The following NR1H4 variants were observed in gnomAD, a reference collection of about 807,000 sequenced individuals.
The protein encoded by NR1H4 is nuclear receptor subfamily 1 group H member 4.
NR1H4 carries 23 observed loss-of-function variants against 58.5 expected under a neutral mutation model. That is an observed-to-expected ratio of 0.39 (90% CI 0.28 to 0.56). The LOEUF is 0.56. Ranked by LOEUF, NR1H4 falls within the 20% of genes least tolerant of loss-of-function variation. NR1H4 has a pLI of 0.58. For missense variants in NR1H4, 487 were observed against 576.9 expected, an observed-to-expected ratio of 0.84 and a Z score of 1.60; for synonymous variants, 214 against 198.0, an observed-to-expected ratio of 1.08 and a Z score of -0.68.
chr12:100,475,124 C>CCTACCTATCTAT lies in NR1H4; in HGVS notation c.-190+1068_-190+1069insCCTATCTATCTA, dbSNP rs1555330007. On this transcript the variant is annotated intron_variant, in intron 1 of 10. Transcript: ENST00000392986. ...AGTCACACCTCAGTAAAGTGGTTTA[C>CCTACCTATCTAT]CTATCTATCTATCTATCTATCTATC... Among the ~76,000 whole-genome samples the CCTACCTATCTAT allele has an allele frequency of 2.8e-5, 4 of 143,086 alleles. No individual in the cohort carries two copies. In the South Asian group the frequency reaches 9.4e-4, roughly 34 times the overall value. 93.9% of individuals were successfully genotyped at this position (143,086 alleles called of 152,430 possible).
rs1389138636 is a variant in NR1H4, at chr12:100,532,498, G to A, written c.486G>A (p.Lys162=). ...RRSITKNAVY[K]CKNGGNCVMD... The stretch of plus-strand genomic sequence containing the variant: ...GCATTACCAAAAACGCTGTGTACAA[G>A]TGTAAAAACGGGGGCAACTGTGTGA... Residue 162 remains lysine, a synonymous_variant, in exon 5 of 11, where the codon AAG becomes AAA. Transcript: ENST00000392986. 8 of 1,614,058 alleles carry A rather than the reference G, an allele frequency of 5.0e-6. No individual in the cohort carries two copies. In the Admixed American group the frequency reaches 1.2e-4, roughly 24 times the overall value.
chr12:100,505,739 T>C, intron 3 of NR1H4: 1 of 572,908 alleles, frequency 1.7e-6, no homozygotes. Flanking sequence ...GTATTTTCCC[T>C]TTTAAATTGT....
chr12:100,531,090 C>T (rs868530969), intron 4 of NR1H4, among the ~76,000 whole-genome samples: 1 of 152,094 alleles, frequency 6.6e-6, no homozygotes, highest in African/African-American at 2.4e-5. Context: ...TGGAGTGAAT[C>T]GCCAGATTCC....
chr12:100,499,022 C>G (rs901650191), intron 3 of NR1H4, among the ~76,000 whole-genome samples: 1 of 152,192 alleles, frequency 6.6e-6, no homozygotes, highest in African/African-American at 2.4e-5. Context: ...CCTTGAACTA[C>G]TGGGCCCAAG....
At chr12:100,533,087 G>A (rs903846182) in intron 5 of NR1H4, among the ~76,000 whole-genome samples, 2 of 152,134 alleles carry the variant, frequency 1.3e-5, no homozygotes, top group African/African-American at 4.8e-5. Context: ...TCTTAGTGCA[G>A]CTTTGAACCA....
intron 9 of NR1H4, among the ~76,000 whole-genome samples, chr12:100,548,686 T>C (rs1955137153): frequency 1.3e-5 from 2 of 152,176 alleles, no homozygotes; most frequent in South Asian, 4.1e-4. Flanking sequence ...TGAGTACTTC[T>C]ATGGGATAGG....
chr12:100,539,077 A>G (rs1329494443), intron 8 of NR1H4, among the ~76,000 whole-genome samples: 1 of 152,230 alleles, frequency 6.6e-6, no homozygotes, highest in Non-Finnish European at 1.5e-5. Context: ...TAAAAACCTT[A>G]TTCATAAGAA....
intron 10 of NR1H4, 79 bp downstream of exon 10, chr12:100,562,077 G>A (rs186800215): frequency 1.4e-4 from 106 of 731,418 alleles, no homozygotes; most frequent in Non-Finnish European, 2.4e-4. Flanking sequence ...AAAAAATCTG[G>A]AAAACATAGA....
intron 1 of NR1H4, among the ~76,000 whole-genome samples, chr12:100,483,008 C>T (rs777462756): frequency 6.6e-5 from 10 of 152,148 alleles, no homozygotes; most frequent in Non-Finnish European, 1.5e-4. Flanking sequence ...TCACTGCAAC[C>T]TCTGCTTCCT....
intron 8 of NR1H4, among the ~76,000 whole-genome samples, chr12:100,539,115 A>G (rs938592170): frequency 2.0e-5 from 3 of 152,236 alleles, no homozygotes; most frequent in African/African-American, 7.2e-5. Context: ...CAATAGCAAT[A>G]TCTTGGCATC....
chr12:100,562,213 T>C (rs1955492369), intron 10 of NR1H4, among the ~76,000 whole-genome samples: 1 of 152,220 alleles, frequency 6.6e-6, no homozygotes, highest in Non-Finnish European at 1.5e-5. Flanking sequence ...TAAATGTATA[T>C]TGAACACCTA....
intron 3 of NR1H4, among the ~76,000 whole-genome samples, chr12:100,494,027 A>G (rs758114724): frequency 5.9e-5 from 9 of 152,232 alleles, no homozygotes; most frequent in Non-Finnish European, 1.2e-4. Context: ...AACCAAGGCA[A>G]TATTTTGGGT....
rs575334527 is a variant in NR1H4, at chr12:100,480,520, C to A, written c.-190+6461C>A. Reference sequence around the variant, plus strand: ...GATTGTTTCATGATTATAAACAGGACCCCCATCTTCCCACCTCCTATGGGA... The same window carrying A: ...GATTGTTTCATGATTATAAACAGGAACCCCATCTTCCCACCTCCTATGGGA... On this transcript the variant is annotated intron_variant, in intron 1 of 10. Transcript: ENST00000392986. 2.6e-4 allele frequency among the ~76,000 whole-genome samples: 40 copies of A among 152,226 alleles called. 2 individuals are homozygous for A. The South Asian group carries it at 8.1e-3, about 31-fold the overall frequency.
intron 3 of NR1H4, among the ~76,000 whole-genome samples, chr12:100,508,411 C>A (rs1306162341): frequency 6.6e-6 from 1 of 152,050 alleles, no homozygotes; most frequent in Admixed American, 6.6e-5. Flanking sequence ...AAGGGGGTAA[C>A]AAACACAAGT....
intron 9 of NR1H4, among the ~76,000 whole-genome samples, chr12:100,552,932 A>G (rs1397801851): frequency 6.6e-6 from 1 of 151,922 alleles, no homozygotes; most frequent in African/African-American, 2.4e-5. Flanking sequence ...AAAAAAAAAA[A>G]ATCTATGGAG....
intron 3 of NR1H4, among the ~76,000 whole-genome samples, chr12:100,506,345 A>G (rs372669191): frequency 1.4e-4 from 21 of 152,106 alleles, no homozygotes; most frequent in African/African-American, 5.1e-4. Context: ...TTAAGATCTC[A>G]TGGTCAGTTA....
chr12:100,526,808 C>T (rs1954568265), intron 4 of NR1H4, among the ~76,000 whole-genome samples: 1 of 152,150 alleles, frequency 6.6e-6, no homozygotes, highest in South Asian at 2.1e-4. Flanking sequence ...CATCCCATTC[C>T]CAATTCTACA....
At chr12:100,510,294 A>G (rs1239281416) in intron 3 of NR1H4, among the ~76,000 whole-genome samples, 1 of 152,100 alleles carries the variant, frequency 6.6e-6, no homozygotes, top group Non-Finnish European at 1.5e-5. Context: ...ATATTGACAA[A>G]TTTCCCCCCA....
chr12:100,560,937 G>A (rs377030518), intron 9 of NR1H4, among the ~76,000 whole-genome samples: 4 of 152,152 alleles, frequency 2.6e-5, no homozygotes, highest in Non-Finnish European at 5.9e-5. Flanking sequence ...ACCACTCACC[G>A]AGAATGGGAA....
Sources: gnomAD v4.1 joint callset for allele counts (sites outside exome capture counted in the v4.1 genomes callset) on GRCh38, gnomAD v4.1.1 for gene constraint, MANE v1.5 for transcripts, NCBI Gene and HGNC (gene_info 2026-07-23, HGNC 2026-07-21) for gene names.